Variants in SEMA5B observed in about 807,000 individuals in gnomAD.
SEMA5B encodes the protein semaphorin-5B.
SEMA5B carries 66 observed loss-of-function variants against 135.0 expected under a neutral mutation model. That is an observed-to-expected ratio of 0.49 (90% CI 0.40 to 0.60). The LOEUF (loss-of-function observed/expected upper bound fraction) is 0.60. Ranked by LOEUF, SEMA5B falls within the 20% of genes least tolerant of loss-of-function variation. The probability of loss-of-function intolerance (pLI) is 0.00; values close to 1 mark genes in which losing one functional copy is unlikely to be tolerated. For missense variants in SEMA5B, 1,501 were observed against 1,566.3 expected, an observed-to-expected ratio of 0.96 and a Z score of 0.70; for synonymous variants, 690 against 639.5, an observed-to-expected ratio of 1.08 and a Z score of -1.19.
intron 5 of SEMA5B, among the ~76,000 whole-genome samples, chr3:122,930,934 A>G (rs972558993): frequency 2.6e-5 from 4 of 152,224 alleles, no homozygotes; most frequent in Admixed American, 1.3e-4. Flanking sequence ...GCAGCCTCTC[A>G]CAGTGAATAG....
At chr3:122,937,380 G>A (rs1484937966) in intron 5 of SEMA5B, among the ~76,000 whole-genome samples, 3 of 152,240 alleles carry the variant, frequency 2.0e-5, no homozygotes, top group Admixed American at 2.0e-4. Context: ...AAGACCAGAG[G>A]CCAAGGTCTG....
chr3:122,952,638 AG>A (rs1222183267), intron 2 of SEMA5B, among the ~76,000 whole-genome samples: 1 of 152,182 alleles, frequency 6.6e-6, no homozygotes, highest in African/African-American at 2.4e-5. Flanking sequence ...AAAGAGGAAC[AG>A]GGACTGGAGC....
Position 122,943,531 on chromosome 3 carries a change from C to T in SEMA5B, c.333G>A (p.Leu111=), listed in dbSNP as rs1939657196. The T allele has an allele frequency of 6.2e-7, 1 of 1,605,600 alleles. No homozygotes were observed. Among genetic ancestry groups the T allele is most frequent in the Admixed American group, 1.7e-5 (1 of 58,698 alleles). Residue 111 remains leucine, a synonymous_variant, in exon 4 of 23, where the codon CTG becomes CTA. Coordinates refer to ENST00000357599, the MANE Select transcript of SEMA5B (RefSeq NM_001031702.4). ...AGGTGAAGTTAGAGACCCACGGCTG[C>T]AGGTCTGGTGGAGGGAGAGGCAACC... is the stretch of plus-strand genomic sequence containing the variant. ...SKHPTVAFED[L]QPWVSNFTYP...
chr3:122,913,432 T>C lies in SEMA5B; in HGVS notation c.2281-8A>G. The C allele has an allele frequency of 1.9e-6, 3 of 1,562,850 alleles. No homozygotes were observed. Among genetic ancestry groups the C allele is most frequent in the Non-Finnish European group, 2.6e-6 (3 of 1,158,070 alleles). The stretch of plus-strand genomic sequence containing the variant: ...GTTGCACGTCTTGAACTCCTGCGGG[T>C]GGCGGCAGAGGCAGCTTTAGAACCC... On this transcript the variant is annotated splice_region_variant and splice_polypyrimidine_tract_variant and intron_variant, in intron 16 of 22. Coordinates refer to ENST00000357599, the MANE Select transcript of SEMA5B (RefSeq NM_001031702.4).
chr3:123,026,399 G>T (rs1482313838), intron 1 of SEMA5B, among the ~76,000 whole-genome samples: 2 of 151,556 alleles, frequency 1.3e-5, no homozygotes, highest in African/African-American at 4.9e-5. Flanking sequence ...GCCCACTCCC[G>T]CCTGGCGCGG....
At chr3:123,025,811 A>G (rs1203818054) in intron 1 of SEMA5B, among the ~76,000 whole-genome samples, 3 of 152,136 alleles carry the variant, frequency 2.0e-5, no homozygotes, top group South Asian at 2.1e-4. Flanking sequence ...CATCTCTCCT[A>G]TATTTTATCT....
At chr3:122,988,220 C>G (rs969970754) in intron 1 of SEMA5B, among the ~76,000 whole-genome samples, 8 of 152,154 alleles carry the variant, frequency 5.3e-5, no homozygotes, top group Non-Finnish European at 8.8e-5. Flanking sequence ...CTAGAAAACC[C>G]CTCCTTTTGT....
chr3:122,945,202 A>C (rs1432476370), intron 3 of SEMA5B, among the ~76,000 whole-genome samples: 1 of 152,186 alleles, frequency 6.6e-6, no homozygotes, highest in Non-Finnish European at 1.5e-5. Context: ...AAAAAGAAGA[A>C]GAAAGAAATT....
chr3:122,976,580 A>C (rs1367968554), intron 1 of SEMA5B, among the ~76,000 whole-genome samples: 1 of 152,192 alleles, frequency 6.6e-6, no homozygotes, highest in Non-Finnish European at 1.5e-5. Context: ...AAACAGTTAA[A>C]AGACTGCACA....
intron 1 of SEMA5B, chr3:122,976,029 C>G (rs1244253472): frequency 6.5e-7 from 1 of 1,535,116 alleles, no homozygotes; most frequent in Non-Finnish European, 8.7e-7. Flanking sequence ...CTTGCCCGTC[C>G]CTGTAGAATG....
chr3:122,994,904 C>T (rs1941990384), intron 1 of SEMA5B, among the ~76,000 whole-genome samples: 1 of 152,204 alleles, frequency 6.6e-6, no homozygotes, highest in Non-Finnish European at 1.5e-5. Context: ...TCTTCTTCTA[C>T]TGAATCCTGG....
intron 1 of SEMA5B, among the ~76,000 whole-genome samples, chr3:122,985,423 G>C (rs1165454196): frequency 6.6e-6 from 1 of 151,986 alleles, no homozygotes; most frequent in East Asian, 1.9e-4. Flanking sequence ...AGGATCCCTT[G>C]AGCCCAGGAG....
At chr3:123,011,605 C>T (rs1236944958) in intron 1 of SEMA5B, among the ~76,000 whole-genome samples, 1 of 152,204 alleles carries the variant, frequency 6.6e-6, no homozygotes, top group Non-Finnish European at 1.5e-5. Flanking sequence ...CCAGCACACA[C>T]ATGCACAGAG....
Position 122,909,432 on chromosome 3 carries a change from C to A in SEMA5B, c.*711G>T, listed in dbSNP as rs1024662404. 1 of 152,782 alleles carries A rather than the reference C, an allele frequency of 6.5e-6. No individual in the cohort carries two copies. Among genetic ancestry groups the A allele is most frequent in the Admixed American group, 6.5e-5 (1 of 15,288 alleles). The allele number at this position is 152,782 out of a possible 1,614,324, so 9.5% of individuals were successfully genotyped here. A position where few individuals can be genotyped will look rare whatever the true frequency, so the allele number is the denominator to read the frequency against. ...TTCTGCCTCCTATGGCATTGATCCT[C>A]TCTCCTGGGCCACCTTTCGTGCATT... On this transcript the variant is annotated 3_prime_UTR_variant, in exon 23 of 23. Coordinates refer to ENST00000357599, the MANE Select transcript of SEMA5B (RefSeq NM_001031702.4).
intron 1 of SEMA5B, among the ~76,000 whole-genome samples, chr3:122,972,872 G>A (rs1038007663): frequency 7.9e-5 from 12 of 152,150 alleles, no homozygotes; most frequent in Admixed American, 6.5e-4. Flanking sequence ...CTCAGAGTGG[G>A]AAGTTAGCCC....
intron 1 of SEMA5B, among the ~76,000 whole-genome samples, chr3:122,964,229 C>T (rs1055092541): frequency 1.3e-5 from 2 of 152,204 alleles, no homozygotes; most frequent in African/African-American, 4.8e-5. Context: ...CTGTCTTCTC[C>T]TATAGGCAAC....
chr3:122,988,397 T>G (rs1941764630), intron 1 of SEMA5B, among the ~76,000 whole-genome samples: 1 of 152,200 alleles, frequency 6.6e-6, no homozygotes, highest in Non-Finnish European at 1.5e-5. Flanking sequence ...AAACACCGTC[T>G]GTATCCTCCA....
At chr3:122,923,815 C>T in intron 9 of SEMA5B, 63 bp from the exon 10 acceptor site, 2 of 1,586,782 alleles carry the variant, frequency 1.3e-6, no homozygotes, top group Non-Finnish European at 1.7e-6. Context: ...TCCTCATAAA[C>T]CCCACAGCCA....
chr3:123,001,861 C>T (rs539866191), intron 1 of SEMA5B, among the ~76,000 whole-genome samples: 10 of 152,278 alleles, frequency 6.6e-5, no homozygotes, highest in African/African-American at 1.4e-4. Flanking sequence ...AAATTCTACA[C>T]GATAAGGTGC....
Sources: allele counts gnomAD v4.1 joint callset (sites outside exome capture counted in the v4.1 genomes callset), GRCh38; gene constraint gnomAD v4.1.1; transcripts MANE v1.5; gene names NCBI Gene and HGNC (gene_info 2026-07-23, HGNC 2026-07-21).